Variants in CREB5 observed in about 807,000 individuals in gnomAD.
CREB5 encodes cAMP responsive element binding protein 5, also known as cyclic AMP-responsive element-binding protein 5.
Under a neutral mutation model 57.1 loss-of-function variants are expected in CREB5, and 19 were observed. That is an observed-to-expected ratio of 0.33 (90% CI 0.23 to 0.49). The LOEUF (loss-of-function observed/expected upper bound fraction) is 0.49. Among genes scored for constraint, CREB5 ranks in the 20% least tolerant of loss-of-function variants. The pLI is 0.99. For missense variants in CREB5, 579 were observed against 671.6 expected (o/e 0.86, Z 1.52); for synonymous variants, 238 against 238.3 (o/e 1.00, Z 0.01).
chr7:28,743,270 C>G (rs187675544), intron 7 of CREB5, among the ~76,000 whole-genome samples: 426 of 152,268 alleles, frequency 2.8e-3, no homozygotes, highest in African/African-American at 9.9e-3. Context: ...CAGTGGCTCA[C>G]GCCTGTAATC....
At chr7:28,803,541 G>C (rs113919358) in intron 7 of CREB5, among the ~76,000 whole-genome samples, 3,568 of 152,046 alleles carry the variant, frequency 0.023, 68 homozygotes, top group Non-Finnish European at 0.032. Flanking sequence ...GATGGATCAC[G>C]AGGTCAGGAG....
At chr7:28,420,024 C>T (rs1436280926) in intron 1 of CREB5, among the ~76,000 whole-genome samples, 1 of 152,010 alleles carries the variant, frequency 6.6e-6, no homozygotes, top group Non-Finnish European at 1.5e-5. Flanking sequence ...GATCTCCAAA[C>T]CATTCAAACA....
At chr7:28,457,541 G>A (rs182067512) in intron 1 of CREB5, among the ~76,000 whole-genome samples, 11 of 152,282 alleles carry the variant, frequency 7.2e-5, no homozygotes, top group African/African-American at 1.9e-4. Flanking sequence ...GGTACTAGAT[G>A]AGAAGCAAAT....
At position 28,490,711 on chromosome 7, in the gene CREB5, C is replaced by T. The variant is rs187689864; in HGVS notation, c.75+2465C>T. Among the ~76,000 whole-genome samples the T allele has an allele frequency of 2.5e-3, 384 of 152,318 alleles. 1 individual carries two copies. Among genetic ancestry groups the T allele is most frequent in the Non-Finnish European group, 4.8e-3 (326 of 68,032 alleles). On this transcript the variant is annotated intron_variant, in intron 2 of 10. Coordinates refer to ENST00000357727, the MANE Select transcript of CREB5 (RefSeq NM_182898.4). ...CAGAAGCATTCCCCACTTGTGATGA[C>T]CAAAAATGTTTCCAGACATTGCCAA...
intron 1 of CREB5, among the ~76,000 whole-genome samples, chr7:28,387,184 A>G (rs977319247): frequency 1.6e-4 from 24 of 151,926 alleles, no homozygotes; most frequent in Non-Finnish European, 2.9e-5. Context: ...ACTAATATAC[A>G]CTCCTACCAT....
Position 28,804,274 on chromosome 7 carries a change from G to C in CREB5, c.778G>C (p.Glu260Gln). Residue 260 changes from glutamate (E) to glutamine (Q), a missense_variant, in exon 8 of 11, where the codon GAG (glutamate) becomes CAG (glutamine). Glu to Gln is a conservative substitution (Grantham distance 29). Coordinates refer to ENST00000357727, the MANE Select transcript of CREB5 (RefSeq NM_182898.4). The stretch of plus-strand genomic sequence containing the variant: ...CATGAACACCATGGGACACATGATG[G>C]AGATGATGGGCTCCCGGCAGGACCA... ...GNMNTMGHMM[E>Q]MMGSRQDQTP... 6.2e-7 allele frequency: 1 copy of C among 1,614,004 alleles called. No homozygotes were observed. The highest frequency in any genetic ancestry group is 8.5e-7 in the Non-Finnish European group (1 of 1,180,004).
rs115607801 is a variant in CREB5, at chr7:28,445,114, G to A, written c.3+32197G>A. ...GGTTTTACAAAAGGGCAGTTCCCCT[G>A]CACATACTCTCTTGTAAGACGTTCC... On this transcript the variant is annotated intron_variant, in intron 1 of 10. Transcript: ENST00000357727. Among the ~76,000 whole-genome samples, 1,156 of 152,248 alleles carry A rather than the reference G, an allele frequency of 7.6e-3. 16 individuals carry two copies. Among genetic ancestry groups the A allele is most frequent in the African/African-American group, 0.026 (1,093 of 41,534 alleles).
intron 7 of CREB5, among the ~76,000 whole-genome samples, chr7:28,752,271 A>T (rs747884553): frequency 1.3e-3 from 202 of 152,232 alleles, no homozygotes; most frequent in Non-Finnish European, 2.4e-3. Flanking sequence ...GGTTCAAGTG[A>T]TTCTCCTGCC....
chr7:28,754,344 A>G (rs1470269753), intron 7 of CREB5, among the ~76,000 whole-genome samples: 3 of 152,206 alleles, frequency 2.0e-5, no homozygotes, highest in Admixed American at 2.0e-4. Flanking sequence ...GAATAATTCA[A>G]GTGTTCCAAA....
chr7:28,812,475 A>G (rs1313521111), intron 9 of CREB5, among the ~76,000 whole-genome samples: 1 of 152,192 alleles, frequency 6.6e-6, no homozygotes, highest in African/African-American at 2.4e-5. Context: ...TTTAGAGCCA[A>G]ATGGCTAAGG....
chr7:28,646,500 C>G (rs1798894157), intron 5 of CREB5, among the ~76,000 whole-genome samples: 1 of 152,162 alleles, frequency 6.6e-6, no homozygotes, highest in Non-Finnish European at 1.5e-5. Context: ...CCTACTTGCA[C>G]CATCTCTGCA....
At chr7:28,549,484 G>A (rs1450411900) in intron 4 of CREB5, among the ~76,000 whole-genome samples, 2 of 152,164 alleles carry the variant, frequency 1.3e-5, no homozygotes, top group African/African-American at 4.8e-5. Context: ...ATTTCTCCTA[G>A]GGATCGCATC....
At chr7:28,755,032 T>C (rs1294099832) in intron 7 of CREB5, among the ~76,000 whole-genome samples, 1 of 152,168 alleles carries the variant, frequency 6.6e-6, no homozygotes, top group Non-Finnish European at 1.5e-5. Flanking sequence ...ATTGACTCTT[T>C]AAATTAACCA....
chr7:28,321,358 A>ACC (rs1180946936), intron 1 of CREB5, among the ~76,000 whole-genome samples: 1 of 152,140 alleles, frequency 6.6e-6, no homozygotes, highest in Non-Finnish European at 1.5e-5. Flanking sequence ...TTTGTCGAGC[A>ACC]CAGGACAAAA....
chr7:28,356,186 C>T (rs996284953), intron 1 of CREB5, among the ~76,000 whole-genome samples: 4 of 152,164 alleles, frequency 2.6e-5, no homozygotes, highest in African/African-American at 9.7e-5. Context: ...GGCACTTAAG[C>T]CCATTTTAGA....
chr7:28,665,909 C>T (rs527564101), intron 5 of CREB5, among the ~76,000 whole-genome samples: 60 of 152,070 alleles, frequency 3.9e-4, no homozygotes, highest in Non-Finnish European at 7.2e-4. Flanking sequence ...CAAGGAAGAA[C>T]AAAGAGTGCT....
At chr7:28,510,785 A>G (rs1792672130) in intron 4 of CREB5, among the ~76,000 whole-genome samples, 1 of 152,216 alleles carries the variant, frequency 6.6e-6, no homozygotes, top group African/African-American at 2.4e-5. Flanking sequence ...ACGTTCCATA[A>G]TAGCCTCAAT....
intron 5 of CREB5, among the ~76,000 whole-genome samples, chr7:28,676,991 C>T (rs1045889489): frequency 6.6e-6 from 1 of 152,154 alleles, no homozygotes; most frequent in South Asian, 2.1e-4. Flanking sequence ...ACTGTGAACA[C>T]AGATGTTTTC....
intron 5 of CREB5, among the ~76,000 whole-genome samples, chr7:28,620,288 C>T (rs1797745719): frequency 6.6e-6 from 1 of 152,058 alleles, no homozygotes; most frequent in South Asian, 2.1e-4. Flanking sequence ...CAGGCTGGTC[C>T]TTTAATTTCT....
Sources: gnomAD v4.1 joint callset for allele counts (sites outside exome capture counted in the v4.1 genomes callset) on GRCh38, gnomAD v4.1.1 for gene constraint, MANE v1.5 for transcripts, NCBI Gene and HGNC (gene_info 2026-07-23, HGNC 2026-07-21) for gene names.